Variants in USP13 observed in about 807,000 individuals in gnomAD.
The protein encoded by USP13 is ubiquitin specific peptidase 13, also known as ubiquitin carboxyl-terminal hydrolase 13.
A neutral mutation model predicts 107.8 loss-of-function variants in USP13; 68 were observed. That is an observed-to-expected ratio of 0.63 (90% CI 0.52 to 0.77). The LOEUF (loss-of-function observed/expected upper bound fraction) is 0.77. Ranked by LOEUF, USP13 falls within the 30% of genes least tolerant of loss-of-function variation. The pLI, the probability that USP13 is intolerant of heterozygous loss-of-function variation, is 0.00. For synonymous variants in USP13, 377 were observed against 389.5 expected (o/e 0.97, Z 0.38); for missense variants, 945 against 1,093.3 (o/e 0.86, Z 1.91).
At chr3:179,673,011 A>C (rs1223786652) in intron 1 of USP13, among the ~76,000 whole-genome samples, 1 of 152,186 alleles carries the variant, frequency 6.6e-6, no homozygotes, top group African/African-American at 2.4e-5. Context: ...TTTCCTGAAG[A>C]ACCATGTGAG....
At chr3:179,707,453 C>A (rs974019495) in intron 5 of USP13, among the ~76,000 whole-genome samples, 1 of 152,108 alleles carries the variant, frequency 6.6e-6, no homozygotes, top group African/African-American at 2.4e-5. Flanking sequence ...GGATTAATAC[C>A]CCAGTTTTCT....
intron 19 of USP13, among the ~76,000 whole-genome samples, chr3:179,769,985 C>T (rs1353990074): frequency 6.6e-6 from 1 of 152,226 alleles, no homozygotes; most frequent in African/African-American, 2.4e-5. Flanking sequence ...TCCACAAACA[C>T]AGCAGGGGGC....
At chr3:179,716,458 A>G (rs1330375152) in intron 6 of USP13, among the ~76,000 whole-genome samples, 1 of 152,226 alleles carries the variant, frequency 6.6e-6, no homozygotes, top group African/African-American at 2.4e-5. Context: ...GACTCTGCAT[A>G]TCTTATTTAA....
At chr3:179,741,169 C>G (rs898794733) in intron 11 of USP13, among the ~76,000 whole-genome samples, 4 of 151,970 alleles carry the variant, frequency 2.6e-5, no homozygotes, top group Non-Finnish European at 5.9e-5. Context: ...CTTAATGCCA[C>G]GCCCTGCAGC....
At chr3:179,719,736 G>T (rs971288900) in intron 6 of USP13, among the ~76,000 whole-genome samples, 1 of 152,114 alleles carries the variant, frequency 6.6e-6, no homozygotes, top group Non-Finnish European at 1.5e-5. Context: ...TGAAAAGAAT[G>T]ACATATAGGT....
At chr3:179,665,978 G>C (rs17690170) in intron 1 of USP13, among the ~76,000 whole-genome samples, 42,125 of 152,126 alleles carry the variant, frequency 0.28, 6,460 homozygotes, top group Non-Finnish European at 0.35. Flanking sequence ...AGAGTTACTG[G>C]CGTGGACAAC....
Position 179,721,536 on chromosome 3 carries a change from C to T in USP13, c.1035C>T (p.Cys345=). 6.2e-7 allele frequency: 1 copy of T among 1,614,086 alleles called. No individual in the cohort carries two copies. Residue 345 remains cysteine (C), a synonymous_variant, in exon 8 of 21, where the codon TGC becomes TGT. Coordinates refer to ENST00000263966, the MANE Select transcript of USP13 (RefSeq NM_003940.3). This position sits in a 1 kb window ranked among gnomAD's most constrained non-coding sequence, Gnocchi z 4.3. Reference sequence around the variant, plus strand: ...GTCTGAAGAACCTGGGCAACAGCTGCTATCTCAGCTCTGTCATGCAGGCCA... The same window carrying T: ...GTCTGAAGAACCTGGGCAACAGCTGTTATCTCAGCTCTGTCATGCAGGCCA... ...YTGLKNLGNS[C]YLSSVMQAIF...
At chr3:179,774,303 T>C (rs759362155) in intron 19 of USP13, among the ~76,000 whole-genome samples, 1 of 152,120 alleles carries the variant, frequency 6.6e-6, no homozygotes, top group Non-Finnish European at 1.5e-5. Context: ...CCGGAATTGG[T>C]GGGTTCTTGG....
At chr3:179,722,690 T>C (rs1713367832) in intron 8 of USP13, among the ~76,000 whole-genome samples, 1 of 152,234 alleles carries the variant, frequency 6.6e-6, no homozygotes, top group Non-Finnish European at 1.5e-5. Flanking sequence ...GACAAGTTAT[T>C]GTTGACTGTA....
At chr3:179,720,933 C>T (rs1041073399) in intron 7 of USP13, among the ~76,000 whole-genome samples, 34 of 151,564 alleles carry the variant, frequency 2.2e-4, no homozygotes, top group Admixed American at 1.3e-4. Context: ...TTCAGCCTCC[C>T]GAGTAGCTGG....
intron 2 of USP13, among the ~76,000 whole-genome samples, chr3:179,687,653 C>G (rs762362822): frequency 6.4e-3 from 52 of 8,068 alleles, no homozygotes; most frequent in Non-Finnish European, 0.014. Flanking sequence ...GAGTGAAACT[C>G]TGTCTCAAAA....
At chr3:179,708,034 A>T (rs16830743) in intron 5 of USP13, among the ~76,000 whole-genome samples, 4 of 152,290 alleles carry the variant, frequency 2.6e-5, no homozygotes, top group African/African-American at 9.6e-5. Context: ...TTTGCAGTGT[A>T]GTCGGATTTG....
intron 1 of USP13, among the ~76,000 whole-genome samples, chr3:179,681,230 AC>A (rs1474684604): frequency 6.6e-6 from 1 of 152,112 alleles, no homozygotes; most frequent in African/African-American, 2.4e-5. Flanking sequence ...CAGTGTTGTG[AC>A]CAAGCGAGTT....
At chr3:179,663,428 G>A (rs935288033) in intron 1 of USP13, among the ~76,000 whole-genome samples, 5 of 152,196 alleles carry the variant, frequency 3.3e-5, no homozygotes, top group Non-Finnish European at 5.9e-5. Flanking sequence ...CCTGTGAATA[G>A]TGCTGCCATG....
chr3:179,758,071 T>G (rs1714866309), intron 16 of USP13, among the ~76,000 whole-genome samples: 1 of 152,184 alleles, frequency 6.6e-6, no homozygotes, highest in Non-Finnish European at 1.5e-5. Flanking sequence ...GGGACAGGTC[T>G]ACAACTCTAC....
At chr3:179,718,415 C>T (rs1713182436) in intron 6 of USP13, among the ~76,000 whole-genome samples, 1 of 152,038 alleles carries the variant, frequency 6.6e-6, no homozygotes, top group Non-Finnish European at 1.5e-5. Flanking sequence ...CCTTGGTCTC[C>T]CGGAGTGCTG....
At chr3:179,729,673 T>C (rs1198221398) in intron 8 of USP13, among the ~76,000 whole-genome samples, 2 of 152,098 alleles carry the variant, frequency 1.3e-5, no homozygotes, top group African/African-American at 4.8e-5. Flanking sequence ...GGTTTTGCTG[T>C]GTTAGCTAGG....
At position 179,744,955 on chromosome 3, in the gene USP13, C is replaced by G. The variant is rs77989643; in HGVS notation, c.1535-88C>G. ...AAGCAACTCTGGCCCAGCGCAGAAG[C>G]CTTCAGGGAAGACTGTCCAAAGAGG... On this transcript the variant is annotated intron_variant, in intron 12 of 20. Coordinates refer to ENST00000263966, the MANE Select transcript of USP13 (RefSeq NM_003940.3). 6.2e-3 allele frequency: 9,438 copies of G among 1,516,942 alleles called. 485 individuals are homozygous for G. The African/African-American group carries it at 0.12, about 19-fold the overall frequency. The allele number at this position is 1,516,942 out of a possible 1,614,324, so 94.0% of individuals were successfully genotyped here. A position where few individuals can be genotyped will look rare whatever the true frequency, so the allele number is the denominator to read the frequency against.
At chr3:179,664,241 A>G (rs1334698024) in intron 1 of USP13, among the ~76,000 whole-genome samples, 6 of 151,116 alleles carry the variant, frequency 4.0e-5, no homozygotes, top group African/African-American at 1.5e-4. Context: ...ACAGGTGTGT[A>G]CCACCATGCC....
Sources: allele counts gnomAD v4.1 joint callset (sites outside exome capture counted in the v4.1 genomes callset), GRCh38; gene constraint gnomAD v4.1.1; non-coding constraint Gnocchi (gnomAD v3.1); transcripts MANE v1.5; gene names NCBI Gene and HGNC (gene_info 2026-07-23, HGNC 2026-07-21).